LRBA: variants seen among roughly 807,000 people sequenced by gnomAD.
The protein encoded by LRBA is lipopolysaccharide-responsive and beige-like anchor protein.
In LRBA, 176 loss-of-function variants were observed where a neutral mutation model predicts 330.0. The observed-to-expected ratio is 0.53, with a 90% CI of 0.47 to 0.60. The LOEUF is 0.60. Ranked by LOEUF, LRBA falls within the 20% of genes least tolerant of loss-of-function variation. The pLI, the probability that LRBA is intolerant of heterozygous loss-of-function variation, is 0.00. For synonymous variants in LRBA, 1,230 were observed against 1,193.0 expected, an observed-to-expected ratio of 1.03 and a Z score of -0.64; for missense variants, 3,259 against 3,444.8, an observed-to-expected ratio of 0.95 and a Z score of 1.35.
intron 37 of LRBA, among the ~76,000 whole-genome samples, chr4:150,655,954 A>G (rs1780147103): frequency 6.6e-6 from 1 of 152,064 alleles, no homozygotes; most frequent in African/African-American, 2.4e-5. Flanking sequence ...ATCTTTTTGT[A>G]TTCTCTCCCA....
chr4:150,777,046 A>C (rs1041873386), intron 34 of LRBA, among the ~76,000 whole-genome samples: 1 of 149,820 alleles, frequency 6.7e-6, no homozygotes, highest in Non-Finnish European at 1.5e-5. Context: ...ACTTTTTTTA[A>C]AGTCAGTTTT....
intron 36 of LRBA, among the ~76,000 whole-genome samples, chr4:150,698,299 TTTGGTCTATG>T (rs1784812892): frequency 6.6e-6 from 1 of 152,186 alleles, no homozygotes. Context: ...TAGTACATAA[TTTGGTCTATG>T]GTTAAGATAA....
At chr4:150,729,000 T>C (rs540780748) in intron 36 of LRBA, among the ~76,000 whole-genome samples, 1 of 152,310 alleles carries the variant, frequency 6.6e-6, no homozygotes, top group African/African-American at 2.4e-5. Flanking sequence ...TTCAGTAAAG[T>C]TGCAGTATAC....
chr4:150,948,134 T>A (rs1197615265), intron 2 of LRBA, among the ~76,000 whole-genome samples: 2 of 152,204 alleles, frequency 1.3e-5, no homozygotes, highest in Non-Finnish European at 2.9e-5. Context: ...GATTATTGTA[T>A]GATTTATATG....
At chr4:150,293,846 A>G (rs1208129746) in intron 53 of LRBA, among the ~76,000 whole-genome samples, 1 of 152,240 alleles carries the variant, frequency 6.6e-6, no homozygotes. Flanking sequence ...GACAACGAGG[A>G]TGAAGATCTT....
chr4:150,322,444 A>G (rs1732642658), intron 49 of LRBA, among the ~76,000 whole-genome samples: 1 of 152,224 alleles, frequency 6.6e-6, no homozygotes, highest in Non-Finnish European at 1.5e-5. Context: ...AGTATCATTC[A>G]GAATTGAAAC....
intron 36 of LRBA, among the ~76,000 whole-genome samples, chr4:150,702,924 C>T (rs576165422): frequency 1.7e-3 from 264 of 152,294 alleles, no homozygotes; most frequent in Admixed American, 2.9e-3. Context: ...CTTTGGGAGG[C>T]CAAGGCAGGG....
At chr4:150,942,891 T>C (rs928460653) in intron 2 of LRBA, among the ~76,000 whole-genome samples, 1 of 152,170 alleles carries the variant, frequency 6.6e-6, no homozygotes, top group Non-Finnish European at 1.5e-5. Context: ...CTTTAAATAG[T>C]GAGCTAAGTA....
chr4:150,970,499 CA>C (rs1739410607), intron 2 of LRBA, among the ~76,000 whole-genome samples: 2 of 145,660 alleles, frequency 1.4e-5, no homozygotes, highest in African/African-American at 5.1e-5. Context: ...GACCCTGTCT[CA>C]AAAAAATAAT....
chr4:150,872,270 A>C (rs1753526516), intron 18 of LRBA, among the ~76,000 whole-genome samples: 1 of 152,236 alleles, frequency 6.6e-6, no homozygotes, highest in African/African-American at 2.4e-5. Context: ...TAAGAAAATA[A>C]GCGTGGAAGT....
At chr4:150,870,022 T>C (rs1000768211) in intron 20 of LRBA, among the ~76,000 whole-genome samples, 4 of 152,154 alleles carry the variant, frequency 2.6e-5, no homozygotes, top group African/African-American at 9.7e-5. Flanking sequence ...TACAAACTAA[T>C]AATTTTAATA....
chr4:150,805,320 A>AG (rs1393621376), intron 33 of LRBA, among the ~76,000 whole-genome samples: 2 of 135,066 alleles, frequency 1.5e-5, no homozygotes, highest in African/African-American at 5.9e-5. Context: ...AAAGGAAAGG[A>AG]AAGGAAAGGA....
chr4:150,655,534 T>C (rs760106671), intron 37 of LRBA, among the ~76,000 whole-genome samples: 1 of 152,230 alleles, frequency 6.6e-6, no homozygotes, highest in Non-Finnish European at 1.5e-5. Flanking sequence ...TACTGCTAAA[T>C]TGCTTTCACT....
chr4:150,299,852 T>C (rs1475122028), intron 53 of LRBA, among the ~76,000 whole-genome samples: 1 of 152,128 alleles, frequency 6.6e-6, no homozygotes, highest in Non-Finnish European at 1.5e-5. Context: ...TGTGCATTTA[T>C]AGAACATATT....
intron 44 of LRBA, among the ~76,000 whole-genome samples, chr4:150,458,089 T>G (rs548861902): frequency 6.6e-6 from 1 of 151,902 alleles, no homozygotes; most frequent in Non-Finnish European, 1.5e-5. Context: ...TGGAGGCTGC[T>G]TGAATTAAGT....
chr4:150,784,038 T>C (rs902270104), intron 34 of LRBA, among the ~76,000 whole-genome samples: 2 of 152,178 alleles, frequency 1.3e-5, no homozygotes, highest in African/African-American at 2.4e-5. Context: ...CAGGAATAAA[T>C]TGGACCAGAA....
chr4:150,349,761 A>C (rs764579000), intron 48 of LRBA, among the ~76,000 whole-genome samples: 6 of 152,216 alleles, frequency 3.9e-5, no homozygotes, highest in Non-Finnish European at 8.8e-5. Context: ...ATACCTTAAC[A>C]GGTTCAAATA....
chr4:150,866,071 TAGTC>T (rs932769912), intron 22 of LRBA, among the ~76,000 whole-genome samples: 1 of 152,228 alleles, frequency 6.6e-6, no homozygotes, highest in Non-Finnish European at 1.5e-5. Context: ...ATAACTTTGA[TAGTC>T]AGTAAAATGT....
intron 37 of LRBA, among the ~76,000 whole-genome samples, chr4:150,633,413 TC>T (rs1248559060): frequency 6.6e-6 from 1 of 152,180 alleles, no homozygotes; most frequent in African/African-American, 2.4e-5. Flanking sequence ...AATCCCCAAA[TC>T]TTTAGACAAT....
Sources: allele counts gnomAD v4.1 joint callset (sites outside exome capture counted in the v4.1 genomes callset), GRCh38; gene constraint gnomAD v4.1.1; transcripts MANE v1.5; gene names NCBI Gene and HGNC (gene_info 2026-07-23, HGNC 2026-07-21).